DIP2C: variants seen among roughly 807,000 people sequenced by gnomAD.
DIP2C encodes DIP2 acetate--CoA ligase C (putative).
DIP2C carries 33 observed loss-of-function variants against 192.4 expected under a neutral mutation model. The observed-to-expected ratio is 0.17, with a 90% CI of 0.13 to 0.23. The LOEUF (loss-of-function observed/expected upper bound fraction) is 0.23, where lower values mean the gene tolerates loss of function less well. DIP2C is among the 10% of genes least tolerant of loss of function. The pLI is 1.00. For missense variants in DIP2C, 1,537 were observed against 2,110.1 expected (o/e 0.73, Z 5.32); for synonymous variants, 979 against 864.1 (o/e 1.13, Z -2.33).
intron 1 of DIP2C, among the ~76,000 whole-genome samples, chr10:559,743 C>CA (rs1849097728): frequency 1.3e-5 from 2 of 152,172 alleles, no homozygotes; most frequent in African/African-American, 4.8e-5. Flanking sequence ...CACAAGCCCT[C>CA]ACAACCCACC....
chr10:512,546 C>T (rs1206864704), intron 1 of DIP2C, among the ~76,000 whole-genome samples: 1 of 152,168 alleles, frequency 6.6e-6, no homozygotes, highest in Non-Finnish European at 1.5e-5. Flanking sequence ...ATTTGCGTTG[C>T]TGCACTCCAG....
At chr10:482,777 T>C (rs1184329292) in intron 2 of DIP2C, among the ~76,000 whole-genome samples, 1 of 152,198 alleles carries the variant, frequency 6.6e-6, no homozygotes, top group Non-Finnish European at 1.5e-5. Flanking sequence ...GACACTGTTA[T>C]TAAGATCTCT....
rs1243270143 is a variant in DIP2C, at chr10:422,852, C to T, written c.576G>A (p.Leu192=). The T allele has an allele frequency of 6.2e-7, 1 of 1,612,606 alleles. No homozygotes were observed. Among genetic ancestry groups the T allele is most frequent in the African/African-American group, 1.3e-5 (1 of 74,922 alleles). ...QSGGSGAAHR[L]ADVMAQTHIE... is the part of the protein sequence containing the mutation. Reference sequence around the variant, plus strand: ...TGTGGGTCTGAGCCATGACGTCCGCCAGCCTGTGGGCAGCCCCGCTGCCCC... The same window carrying T: ...TGTGGGTCTGAGCCATGACGTCCGCTAGCCTGTGGGCAGCCCCGCTGCCCC... The change falls in exon 5 of 37, where the codon CTG becomes CTA. Residue 192 remains leucine, a synonymous_variant. Transcript: ENST00000280886.
At chr10:394,658 T>C (rs1175615746) in intron 10 of DIP2C, among the ~76,000 whole-genome samples, 1 of 149,014 alleles carries the variant, frequency 6.7e-6, no homozygotes, top group Non-Finnish European at 1.5e-5. Flanking sequence ...GTGGGCGCTA[T>C]TCAGCCTTCA....
intron 1 of DIP2C, among the ~76,000 whole-genome samples, chr10:617,588 C>T (rs1487094735): frequency 3.9e-5 from 6 of 152,012 alleles, no homozygotes; most frequent in African/African-American, 1.2e-4. Context: ...CATTGCTCCA[C>T]GCAGTGACCT....
chr10:615,591 G>A (rs1338132608), intron 1 of DIP2C, among the ~76,000 whole-genome samples: 1 of 151,952 alleles, frequency 6.6e-6, no homozygotes, highest in Non-Finnish European at 1.5e-5. Context: ...TACTTCGGAT[G>A]CCAGAAGAGA....
intron 14 of DIP2C, among the ~76,000 whole-genome samples, 200 bp downstream of exon 14, chr10:387,545 T>A (rs1209160141): frequency 2.7e-5 from 2 of 74,476 alleles, no homozygotes; most frequent in Non-Finnish European, 5.0e-5. Context: ...GGGACTCCTG[T>A]GTGGACAGGC....
At chr10:688,450 A>G (rs1831410494) in intron 1 of DIP2C, among the ~76,000 whole-genome samples, 1 of 152,208 alleles carries the variant, frequency 6.6e-6, no homozygotes, top group African/African-American at 2.4e-5. Flanking sequence ...CTGCCGGTGA[A>G]AATTGGCACG....
intron 33 of DIP2C, among the ~76,000 whole-genome samples, chr10:287,482 G>A (rs1203521678): frequency 1.3e-5 from 2 of 152,062 alleles, no homozygotes; most frequent in Non-Finnish European, 1.5e-5. Context: ...TCAGGGCTCT[G>A]GATTCTGCTG....
chr10:685,135 C>CAA (rs140709069), intron 1 of DIP2C, among the ~76,000 whole-genome samples: 4 of 72,972 alleles, frequency 5.5e-5, no homozygotes, highest in African/African-American at 2.9e-4. Flanking sequence ...ACTTGGTCCC[C>CAA]AAAAAAAAAA....
intron 1 of DIP2C, among the ~76,000 whole-genome samples, chr10:621,252 A>G (rs1853828617): frequency 6.6e-6 from 1 of 151,940 alleles, no homozygotes; most frequent in African/African-American, 2.4e-5. Flanking sequence ...ATCTGTGCCA[A>G]TATGAGCACA....
At chr10:444,374 G>A (rs1184963092) in intron 3 of DIP2C, among the ~76,000 whole-genome samples, 1 of 116,670 alleles carries the variant, frequency 8.6e-6, no homozygotes. Context: ...GTTCACTCAA[G>A]AGACAGCCAC....
At chr10:381,731 T>C (rs1243586549) in intron 17 of DIP2C, among the ~76,000 whole-genome samples, 1 of 152,180 alleles carries the variant, frequency 6.6e-6, no homozygotes, top group African/African-American at 2.4e-5. Flanking sequence ...CACACACTGC[T>C]CTGGGAAGCC....
At chr10:461,672 G>C (rs185556495) in intron 3 of DIP2C, among the ~76,000 whole-genome samples, 1 of 152,028 alleles carries the variant, frequency 6.6e-6, no homozygotes, top group Non-Finnish European at 1.5e-5. Context: ...TCAGCTCTGG[G>C]CCAAGCGGAC....
chr10:410,412 C>A (rs1414051503), intron 8 of DIP2C, among the ~76,000 whole-genome samples: 1 of 152,218 alleles, frequency 6.6e-6, no homozygotes, highest in African/African-American at 2.4e-5. Flanking sequence ...AGCTCCTCAT[C>A]CTCAACACCA....
At chr10:587,031 A>C (rs1473596638) in intron 1 of DIP2C, among the ~76,000 whole-genome samples, 1 of 141,192 alleles carries the variant, frequency 7.1e-6, no homozygotes, top group Non-Finnish European at 1.6e-5. Context: ...AGGCCGGACC[A>C]CCTGGGTCCC....
chr10:662,970 T>C (rs751730634), intron 1 of DIP2C: 4 of 716,792 alleles, frequency 5.6e-6, no homozygotes, highest in South Asian at 4.4e-5. Context: ...TAACAGAACA[T>C]GCTGATTGGT....
intron 17 of DIP2C, 31 bp from the exon 18 acceptor site, chr10:369,664 A>C (rs776310595): frequency 6.2e-7 from 1 of 1,614,050 alleles, no homozygotes; most frequent in Admixed American, 1.7e-5. Context: ...TTGAATATGC[A>C]GGAGCAGATA....
chr10:553,148 G>A (rs1408792991), intron 1 of DIP2C, among the ~76,000 whole-genome samples: 1 of 152,216 alleles, frequency 6.6e-6, no homozygotes, highest in African/African-American at 2.4e-5. Context: ...GCCAGGCCAG[G>A]CAGCATCCCC....
Sources: gnomAD v4.1 joint callset for allele counts (sites outside exome capture counted in the v4.1 genomes callset) on GRCh38, gnomAD v4.1.1 for gene constraint, MANE v1.5 for transcripts, NCBI Gene and HGNC (gene_info 2026-07-23, HGNC 2026-07-21) for gene names.